The following ADGRG7 variants were observed in gnomAD, a reference collection of about 807,000 sequenced individuals.
The protein encoded by ADGRG7 is G-protein coupled receptor 128.
Under a neutral mutation model 88.6 loss-of-function variants are expected in ADGRG7, and 82 were observed. The ratio of observed to expected loss-of-function variants is 0.93; its 90% CI spans 0.77 to 1.11. ADGRG7 has a LOEUF of 1.11. Among genes scored for constraint, ADGRG7 ranks in the 50% most tolerant of loss-of-function variants. ADGRG7 has a pLI of 0.00. For synonymous variants in ADGRG7, 381 were observed against 345.2 expected, an observed-to-expected ratio of 1.10 and a Z score of -1.15; for missense variants, 945 against 953.4, an observed-to-expected ratio of 0.99 and a Z score of 0.12.
chr3:100,635,049 G>T (rs899829367), intron 4 of ADGRG7, among the ~76,000 whole-genome samples: 1 of 150,982 alleles, frequency 6.6e-6, no homozygotes, highest in Admixed American at 6.6e-5. Context: ...ACGTGCGCGC[G>T]CATGGACACC....
intron 11 of ADGRG7, among the ~76,000 whole-genome samples, chr3:100,652,184 C>A (rs1483863090): frequency 6.6e-6 from 1 of 151,986 alleles, no homozygotes; most frequent in African/African-American, 2.4e-5. Flanking sequence ...TTAAACCTCT[C>A]AATAGATTTA....
intron 1 of ADGRG7, among the ~76,000 whole-genome samples, chr3:100,616,667 C>G (rs1157698211): frequency 6.6e-6 from 1 of 151,954 alleles, no homozygotes; most frequent in African/African-American, 2.4e-5. Flanking sequence ...AATATTATTT[C>G]AAAAATAACC....
chr3:100,643,184 T>C (rs147822261), intron 6 of ADGRG7, 82 bp from the exon 7 acceptor site: 160 of 1,202,912 alleles, frequency 1.3e-4, no homozygotes, highest in Middle Eastern at 3.9e-4. Context: ...CTCATGTCTT[T>C]CTGCTGTAGT....
At chr3:100,622,154 C>G (rs746095828) in intron 1 of ADGRG7, among the ~76,000 whole-genome samples, 1 of 152,132 alleles carries the variant, frequency 6.6e-6, no homozygotes, top group Non-Finnish European at 1.5e-5. Flanking sequence ...TGGATTGGTA[C>G]CCGGGGCTGG....
In ADGRG7 at chr3:100,609,884, A is replaced by T. The variant is rs749146744; in HGVS notation, c.28A>T (p.Arg10Trp). The change falls in exon 1 of 16, where the codon AGG (arginine) becomes TGG (tryptophan). Residue 10 changes from arginine (R) to tryptophan (W), a missense_variant. Transcript: ENST00000273352. MASCRAWNL[R>W]VLVAVVCGLL... is the part of the protein sequence containing the mutation. The stretch of plus-strand genomic sequence containing the variant: ...GGCTTCCTGCCGTGCCTGGAACCTT[A>T]GGGTGCTGGTGGCTGTCGTGTGTGG... The T allele has an allele frequency of 4.3e-6, 7 of 1,613,942 alleles. No homozygotes were observed. The South Asian group carries it at 7.7e-5, about 18-fold the overall frequency.
chr3:100,670,940 C>A (rs1183643994), intron 15 of ADGRG7, among the ~76,000 whole-genome samples: 2 of 151,826 alleles, frequency 1.3e-5, no homozygotes, highest in East Asian at 3.9e-4. Context: ...TGTGCCTTAT[C>A]CAGTCTATCA....
At chr3:100,627,111 C>G (rs1010614600) in intron 1 of ADGRG7, among the ~76,000 whole-genome samples, 3 of 152,064 alleles carry the variant, frequency 2.0e-5, no homozygotes, top group African/African-American at 7.2e-5. Context: ...CATGTTGAAT[C>G]GAAGTGGTTA....
intron 3 of ADGRG7, among the ~76,000 whole-genome samples, chr3:100,631,022 T>C (rs1172585415): frequency 6.6e-6 from 1 of 152,182 alleles, no homozygotes; most frequent in African/African-American, 2.4e-5. Flanking sequence ...ATCAGTTGTT[T>C]GTGAATTTCT....
chr3:100,616,026 A>G (rs543604177), intron 1 of ADGRG7, among the ~76,000 whole-genome samples: 126 of 152,318 alleles, frequency 8.3e-4, no homozygotes, highest in Non-Finnish European at 7.8e-4. Flanking sequence ...AGTCACTACC[A>G]GTAATTGAAA....
chr3:100,658,148 G>A (rs1321533295), intron 13 of ADGRG7, among the ~76,000 whole-genome samples: 1 of 151,918 alleles, frequency 6.6e-6, no homozygotes, highest in Non-Finnish European at 1.5e-5. Context: ...ATCCTTCTAG[G>A]TGCTCAGATT....
Position 100,610,576 on chromosome 3 carries a change from A to C in ADGRG7, c.115+605A>C, listed in dbSNP as rs1038159430. ...ATTTGTTAGTCCCCCGCTGTGTGCC[A>C]GAGCTGGCCTGGAAAAGGAGGACGT... On this transcript the variant is annotated intron_variant, in intron 1 of 15. Transcript: ENST00000273352. Among the ~76,000 whole-genome samples, 4 of 152,234 alleles carry C rather than the reference A, an allele frequency of 2.6e-5. No homozygotes were observed. The South Asian group carries it at 8.3e-4, about 31-fold the overall frequency.
intron 10 of ADGRG7, 71 bp from the exon 11 acceptor site, chr3:100,649,624 C>T: frequency 1.3e-6 from 1 of 784,552 alleles, no homozygotes; most frequent in South Asian, 1.7e-5. Flanking sequence ...CCATGTAACT[C>T]TGTGATGTTG....
At chr3:100,631,877 T>C (rs1030166754) in intron 3 of ADGRG7, among the ~76,000 whole-genome samples, 1 of 152,140 alleles carries the variant, frequency 6.6e-6, no homozygotes, top group Non-Finnish European at 1.5e-5. Flanking sequence ...ATTCTTGCAT[T>C]GCTATAAAGA....
chr3:100,670,803 C>T (rs772896758), intron 15 of ADGRG7, among the ~76,000 whole-genome samples: 5 of 152,080 alleles, frequency 3.3e-5, no homozygotes, highest in Non-Finnish European at 7.4e-5. Context: ...CGAGTGAGAA[C>T]ATGTGGTGTT....
intron 8 of ADGRG7, among the ~76,000 whole-genome samples, chr3:100,644,569 C>A (rs2149025122): frequency 1.3e-5 from 2 of 152,176 alleles, no homozygotes; most frequent in East Asian, 3.9e-4. Flanking sequence ...GACAATATTA[C>A]AGTTGCACCT....
At chr3:100,635,515 G>A in intron 4 of ADGRG7, 162 bp from the exon 5 acceptor site, 1 of 1,422,436 alleles carries the variant, frequency 7.0e-7, no homozygotes, top group Non-Finnish European at 9.2e-7. Context: ...CATGTACTTT[G>A]TCCTTTACAC....
At chr3:100,634,003 C>A (rs898047172) in intron 4 of ADGRG7, among the ~76,000 whole-genome samples, 1 of 152,126 alleles carries the variant, frequency 6.6e-6, no homozygotes, top group African/African-American at 2.4e-5. Context: ...GATGGTGTAA[C>A]TGGACCAGAA....
intron 1 of ADGRG7, among the ~76,000 whole-genome samples, chr3:100,622,212 ATGATTCATT>A (rs1217965269): frequency 6.6e-6 from 1 of 150,422 alleles, no homozygotes; most frequent in Admixed American, 6.6e-5. Context: ...CGTTAGATCT[ATGATTCATT>A]TGAGATAGTT....
At chr3:100,669,669 C>G (rs1453198703) in intron 15 of ADGRG7, among the ~76,000 whole-genome samples, 2 of 151,800 alleles carry the variant, frequency 1.3e-5, no homozygotes, top group Non-Finnish European at 2.9e-5. Context: ...GTACCCATAT[C>G]CTCAAGCATT....
Sources: allele counts gnomAD v4.1 joint callset (sites outside exome capture counted in the v4.1 genomes callset), GRCh38; gene constraint gnomAD v4.1.1; transcripts MANE v1.5; gene names NCBI Gene and HGNC (gene_info 2026-07-23, HGNC 2026-07-21).